GRIK1: variants seen among roughly 807,000 people sequenced by gnomAD.
GRIK1 encodes the protein glutamate receptor ionotropic, kainate 1.
In GRIK1, 69 loss-of-function variants were observed where a neutral mutation model predicts 105.7. The observed-to-expected ratio is 0.65, with a 90% CI of 0.54 to 0.80. The LOEUF (loss-of-function observed/expected upper bound fraction) is 0.80, where lower values mean the gene tolerates loss of function less well. Ranked by LOEUF, GRIK1 falls within the 30% of genes least tolerant of loss-of-function variation. The pLI, the probability that GRIK1 is intolerant of heterozygous loss-of-function variation, is 0.00. For missense variants in GRIK1, 1,109 were observed against 1,167.3 expected (o/e 0.95, Z 0.73); for synonymous variants, 438 against 431.3 (o/e 1.02, Z -0.19).
intron 1 of GRIK1, among the ~76,000 whole-genome samples, chr21:29,710,965 T>C (rs2064035989): frequency 6.6e-6 from 1 of 151,968 alleles, no homozygotes. Flanking sequence ...ATTGTCGCCT[T>C]CCTATTTTGA....
In GRIK1 at chr21:29,712,912, CT is replaced by C. The variant is rs556292527; in HGVS notation, c.119-18850del. 3.8e-3 allele frequency among the ~76,000 whole-genome samples: 558 copies of C among 148,288 alleles called. 3 individuals are homozygous for C. Among genetic ancestry groups the C allele is most frequent in the African/African-American group, 0.01 (410 of 40,644 alleles). On this transcript the variant is annotated intron_variant, in intron 1 of 17. Coordinates refer to ENST00000327783, the MANE Select transcript of GRIK1 (RefSeq NM_001330994.2). ...GATTTACTCCACCACTTTTTGGAAA[CT>C]TTTTTTTTTTCTTCCCACTCATGCT...
At chr21:29,749,434 C>T (rs1311167780) in intron 1 of GRIK1, among the ~76,000 whole-genome samples, 1 of 152,204 alleles carries the variant, frequency 6.6e-6, no homozygotes, top group East Asian at 1.9e-4. Context: ...GCATCTCCAT[C>T]TGTGAAATGG....
intron 1 of GRIK1, among the ~76,000 whole-genome samples, chr21:29,782,147 C>A (rs1378865189): frequency 6.8e-6 from 1 of 148,136 alleles, no homozygotes; most frequent in Non-Finnish European, 1.5e-5. Context: ...AGTGCAGTGG[C>A]GCGATCTCGG....
At chr21:29,865,008 G>C (rs1243373237) in intron 1 of GRIK1, among the ~76,000 whole-genome samples, 2 of 152,168 alleles carry the variant, frequency 1.3e-5, no homozygotes, top group African/African-American at 2.4e-5. Flanking sequence ...GCATTATCCA[G>C]CTCTGAATAT....
At chr21:29,573,769 A>T (rs1172664283) in intron 14 of GRIK1, among the ~76,000 whole-genome samples, 2 of 151,768 alleles carry the variant, frequency 1.3e-5, no homozygotes, top group Non-Finnish European at 2.9e-5. Context: ...GAATCGCTTG[A>T]ACCCGGGAGG....
intron 7 of GRIK1, among the ~76,000 whole-genome samples, chr21:29,614,386 G>A (rs1453297025): frequency 6.7e-6 from 1 of 148,992 alleles, no homozygotes; most frequent in Non-Finnish European, 1.5e-5. Flanking sequence ...TTAATTGCCT[G>A]GAGAATAAAA....
intron 7 of GRIK1, among the ~76,000 whole-genome samples, chr21:29,634,981 A>G (rs149370827): frequency 3.3e-5 from 5 of 152,348 alleles, no homozygotes; most frequent in African/African-American, 1.2e-4. Flanking sequence ...TAGTTACAAA[A>G]GGGCTGAGAT....
chr21:29,813,183 A>G (rs2067059794), intron 1 of GRIK1, among the ~76,000 whole-genome samples: 1 of 152,174 alleles, frequency 6.6e-6, no homozygotes, highest in Non-Finnish European at 1.5e-5. Context: ...TGGTGACAAC[A>G]GGCATTGTGG....
At chr21:29,651,814 A>G (rs2062744104) in intron 5 of GRIK1, among the ~76,000 whole-genome samples, 1 of 151,900 alleles carries the variant, frequency 6.6e-6, no homozygotes, top group African/African-American at 2.4e-5. Flanking sequence ...TCAGGCATCT[A>G]TTGGAGGTCT....
At chr21:29,808,823 C>T (rs564556221) in intron 1 of GRIK1, among the ~76,000 whole-genome samples, 1 of 152,246 alleles carries the variant, frequency 6.6e-6, no homozygotes, top group African/African-American at 2.4e-5. Flanking sequence ...CCTTAGCCCC[C>T]CATGTTTGTG....
At position 29,615,854 on chromosome 21, in the gene GRIK1, G is replaced by A. The variant is rs527922114; in HGVS notation, c.1099-16917C>T. Among the ~76,000 whole-genome samples the A allele has an allele frequency of 3.9e-5, 6 of 152,174 alleles. No individual in the cohort carries two copies. The East Asian group carries it at 5.8e-4, about 15-fold the overall frequency. On this transcript the variant is annotated intron_variant, in intron 7 of 17. Transcript: ENST00000327783. ...TCATTTTGCCCAACCTCAGTCTCCC[G>A]TAACTTTGGATTTCCTGCAAGTAAC...
chr21:29,773,439 T>C (rs768554992), intron 1 of GRIK1, among the ~76,000 whole-genome samples: 5 of 152,198 alleles, frequency 3.3e-5, no homozygotes, highest in Non-Finnish European at 7.3e-5. Flanking sequence ...CCAAGTTTTC[T>C]GCTTGTCTAC....
intron 1 of GRIK1, among the ~76,000 whole-genome samples, chr21:29,766,238 G>A (rs534576995): frequency 1.6e-4 from 25 of 152,228 alleles, no homozygotes; most frequent in Admixed American, 1.4e-3. Context: ...CAAGCATGAT[G>A]TTCTTAATAT....
rs561323562 is a variant in GRIK1 at position 29,869,577 on chromosome 21, C to A, written c.118+69806G>T. On this transcript the variant is annotated intron_variant, in intron 1 of 17. Transcript: ENST00000327783. ...GAAAATTAAAACAGAGTCTTTTATT[C>A]CATAGGAACTAGGAGTTACTTGAGA... is the stretch of plus-strand genomic sequence containing the variant. 4.5e-4 allele frequency among the ~76,000 whole-genome samples: 69 copies of A among 152,256 alleles called. 1 individual carries two copies. Among genetic ancestry groups the A allele is most frequent in the Non-Finnish European group, 9.6e-4 (65 of 68,002 alleles).
chr21:29,819,764 G>A (rs1174390264), intron 1 of GRIK1, among the ~76,000 whole-genome samples: 1 of 151,990 alleles, frequency 6.6e-6, no homozygotes, highest in African/African-American at 2.4e-5. Context: ...GCTACGAGAA[G>A]AATTCAGATT....
chr21:29,826,732 A>G (rs1410993589), intron 1 of GRIK1, among the ~76,000 whole-genome samples: 2 of 152,114 alleles, frequency 1.3e-5, no homozygotes, highest in African/African-American at 2.4e-5. Flanking sequence ...TCACATACAC[A>G]TATGTATATG....
At chr21:29,778,332 A>C (rs2066002025) in intron 1 of GRIK1, among the ~76,000 whole-genome samples, 1 of 152,176 alleles carries the variant, frequency 6.6e-6, no homozygotes, top group Non-Finnish European at 1.5e-5. Context: ...TTGTTTTCTC[A>C]TTTTTCCAAT....
chr21:29,693,708 A>C lies in GRIK1; in HGVS notation c.286+188T>G, dbSNP rs558133611. On this transcript the variant is annotated intron_variant, in intron 2 of 17. Transcript: ENST00000327783. ...GTAAGCTCATCAGAAAGGCCCAGAA[A>C]ACAGTGCTCAGCAACGTCCATTAGG... Among the ~76,000 whole-genome samples, 13 of 152,308 alleles carry C rather than the reference A, an allele frequency of 8.5e-5. No individual in the cohort carries two copies. In the South Asian group the frequency reaches 2.7e-3, roughly 32 times the overall value.
chr21:29,764,448 C>A, intron 1 of GRIK1, among the ~76,000 whole-genome samples: 1 of 152,110 alleles, frequency 6.6e-6, no homozygotes, highest in South Asian at 2.1e-4. Context: ...TTAGTGTACC[C>A]ACATCCATAA....
Sources: allele counts gnomAD v4.1 joint callset (sites outside exome capture counted in the v4.1 genomes callset), GRCh38; gene constraint gnomAD v4.1.1; transcripts MANE v1.5; gene names NCBI Gene and HGNC (gene_info 2026-07-23, HGNC 2026-07-21).